RNGTT: variants seen among roughly 807,000 people sequenced by gnomAD.
RNGTT encodes the protein mRNA-capping enzyme.
In RNGTT, 33 loss-of-function variants were observed where a neutral mutation model predicts 79.3. The ratio of observed to expected loss-of-function variants is 0.42; its 90% CI spans 0.32 to 0.56. The LOEUF (loss-of-function observed/expected upper bound fraction) is 0.56, where lower values mean the gene tolerates loss of function less well. Ranked by LOEUF, RNGTT falls within the 20% of genes least tolerant of loss-of-function variation. The pLI, the probability that RNGTT is intolerant of heterozygous loss-of-function variation, is 0.17. For synonymous variants in RNGTT, 222 were observed against 235.9 expected, an observed-to-expected ratio of 0.94 and a Z score of 0.54; for missense variants, 497 against 739.1, an observed-to-expected ratio of 0.67 and a Z score of 3.80.
intron 11 of RNGTT, among the ~76,000 whole-genome samples, chr6:88,813,968 A>T (rs1780227047): frequency 6.6e-6 from 1 of 152,186 alleles, no homozygotes; most frequent in Non-Finnish European, 1.5e-5. Flanking sequence ...TGTGTGTTAA[A>T]TAAATATAAA....
intron 14 of RNGTT, among the ~76,000 whole-genome samples, chr6:88,639,482 A>G (rs770144003): frequency 2.6e-5 from 4 of 152,160 alleles, no homozygotes; most frequent in Non-Finnish European, 5.9e-5. Context: ...ATAAGATTTC[A>G]CAGGCAGTTT....
At chr6:88,919,564 G>A (rs1784100655) in intron 4 of RNGTT, among the ~76,000 whole-genome samples, 1 of 152,064 alleles carries the variant, frequency 6.6e-6, no homozygotes, top group African/African-American at 2.4e-5. Flanking sequence ...CTGGGCTCAA[G>A]AGATCCTTGG....
At chr6:88,698,293 T>TATATATG (rs1562202490) in intron 13 of RNGTT, among the ~76,000 whole-genome samples, 2 of 124,816 alleles carry the variant, frequency 1.6e-5, no homozygotes, top group African/African-American at 3.6e-5. Context: ...ATATATATCA[T>TATATATG]ATATATATGA....
At chr6:88,735,106 A>T (rs1777240894) in intron 13 of RNGTT, among the ~76,000 whole-genome samples, 1 of 152,180 alleles carries the variant, frequency 6.6e-6, no homozygotes, top group Non-Finnish European at 1.5e-5. Context: ...ACTTAATGAT[A>T]AACGGGTCAA....
intron 14 of RNGTT, among the ~76,000 whole-genome samples, chr6:88,666,938 A>G (rs1474461906): frequency 2.6e-5 from 4 of 152,224 alleles, no homozygotes; most frequent in Non-Finnish European, 5.9e-5. Context: ...GGCATTATAC[A>G]AAGAAAAAGG....
chr6:88,933,086 C>T (rs950304597), intron 2 of RNGTT, among the ~76,000 whole-genome samples: 20 of 152,034 alleles, frequency 1.3e-4, no homozygotes, highest in Admixed American at 8.5e-4. Flanking sequence ...CCCTTGGGTC[C>T]CCACAGGAAA....
chr6:88,948,904 T>G (rs1206740176), intron 1 of RNGTT, among the ~76,000 whole-genome samples: 4 of 91,182 alleles, frequency 4.4e-5, no homozygotes, highest in African/African-American at 1.7e-4. Context: ...AAACAGATGC[T>G]TGAAGGCAGC....
At chr6:88,959,257 C>T (rs894154164) in intron 1 of RNGTT, among the ~76,000 whole-genome samples, 3 of 152,136 alleles carry the variant, frequency 2.0e-5, no homozygotes, top group Admixed American at 1.3e-4. Flanking sequence ...ACAGTGTACA[C>T]TCCTTGAGTG....
intron 8 of RNGTT, among the ~76,000 whole-genome samples, chr6:88,877,295 CAG>C (rs1401155071): frequency 6.6e-6 from 1 of 152,160 alleles, no homozygotes; most frequent in Non-Finnish European, 1.5e-5. Context: ...CACCAACTAA[CAG>C]AGAAATTCTC....
chr6:88,932,046 T>A (rs1430254021), intron 2 of RNGTT, among the ~76,000 whole-genome samples: 2 of 152,142 alleles, frequency 1.3e-5, no homozygotes, highest in Admixed American at 6.5e-5. Context: ...AGAGCCATAT[T>A]TCCCTTATTG....
At chr6:88,929,122 A>C in intron 3 of RNGTT, 42 bp downstream of exon 3, 1 of 1,583,232 alleles carries the variant, frequency 6.3e-7, no homozygotes, top group Non-Finnish European at 8.6e-7. Flanking sequence ...ACAAATTGTG[A>C]TGAAAGGTTT....
intron 8 of RNGTT, among the ~76,000 whole-genome samples, chr6:88,867,413 G>A (rs955404518): frequency 6.6e-6 from 1 of 152,022 alleles, no homozygotes; most frequent in Non-Finnish European, 1.5e-5. Flanking sequence ...AACCTGGGGG[G>A]CAGAGGTTGC....
intron 13 of RNGTT, among the ~76,000 whole-genome samples, chr6:88,708,071 T>G (rs1359041234): frequency 6.6e-6 from 1 of 151,984 alleles, no homozygotes; most frequent in Non-Finnish European, 1.5e-5. Context: ...TTCTTCTGTT[T>G]TAATAGTATG....
chr6:88,708,357 T>A (rs911332611), intron 13 of RNGTT, among the ~76,000 whole-genome samples: 13 of 152,102 alleles, frequency 8.5e-5, no homozygotes, highest in African/African-American at 3.1e-4. Flanking sequence ...CTGACCATTG[T>A]CCCAAGAGTA....
intron 11 of RNGTT, among the ~76,000 whole-genome samples, chr6:88,843,356 A>C (rs1781366605): frequency 6.6e-6 from 1 of 152,074 alleles, no homozygotes; most frequent in Non-Finnish European, 1.5e-5. Flanking sequence ...GCAAAGGACT[A>C]GAAGCAATCT....
chr6:88,815,431 T>G (rs1462114971), intron 11 of RNGTT, among the ~76,000 whole-genome samples: 1 of 152,096 alleles, frequency 6.6e-6, no homozygotes, highest in African/African-American at 2.4e-5. Context: ...GTCATACCAG[T>G]GAATTATCAA....
chr6:88,748,360 A>G (rs1312043074), intron 13 of RNGTT, among the ~76,000 whole-genome samples: 1 of 152,106 alleles, frequency 6.6e-6, no homozygotes, highest in Non-Finnish European at 1.5e-5. Context: ...TCCAAGGCCT[A>G]TACAGGATCT....
intron 12 of RNGTT, among the ~76,000 whole-genome samples, chr6:88,791,603 A>C (rs1327994708): frequency 6.6e-6 from 1 of 152,014 alleles, no homozygotes; most frequent in East Asian, 1.9e-4. Flanking sequence ...GCAGTGGCAC[A>C]ATCTCGGCTC....
intron 14 of RNGTT, among the ~76,000 whole-genome samples, chr6:88,616,951 A>G (rs1772248641): frequency 1.3e-5 from 2 of 152,216 alleles, no homozygotes; most frequent in South Asian, 4.1e-4. Flanking sequence ...GTTGCACACA[A>G]GAAATCATTG....
Sources: allele counts gnomAD v4.1 joint callset (sites outside exome capture counted in the v4.1 genomes callset), GRCh38; gene constraint gnomAD v4.1.1; transcripts MANE v1.5; gene names NCBI Gene and HGNC (gene_info 2026-07-23, HGNC 2026-07-21).